ADAMTS2: variants seen among roughly 807,000 people sequenced by gnomAD.
ADAMTS2 encodes the protein ADAM metallopeptidase with thrombospondin type 1 motif 2, also known as A disintegrin and metalloproteinase with thrombospondin motifs 2.
A neutral mutation model predicts 123.0 loss-of-function variants in ADAMTS2; 50 were observed. The ratio of observed to expected loss-of-function variants is 0.41; its 90% CI spans 0.32 to 0.51. The LOEUF (loss-of-function observed/expected upper bound fraction) is 0.51. Among genes scored for constraint, ADAMTS2 ranks in the 20% least tolerant of loss-of-function variants. ADAMTS2 has a pLI of 0.35. For synonymous variants in ADAMTS2, 678 were observed against 695.4 expected, an observed-to-expected ratio of 0.98 and a Z score of 0.39; for missense variants, 1,494 against 1,705.2, an observed-to-expected ratio of 0.88 and a Z score of 2.18.
chr5:179,136,064 G>C (rs1386061512), intron 12 of ADAMTS2, 22 bp from the exon 13 acceptor site: 1 of 1,612,970 alleles, frequency 6.2e-7, no homozygotes, highest in African/African-American at 1.3e-5. Flanking sequence ...GCAGCTGGGG[G>C]TCTGCAAGGA....
intron 5 of ADAMTS2, among the ~76,000 whole-genome samples, chr5:179,178,326 C>G (rs1203012693): frequency 8.3e-6 from 1 of 120,802 alleles, no homozygotes; most frequent in Non-Finnish European, 1.7e-5. Context: ...GGGCCCACCC[C>G]CAGGCTCTGC....
At chr5:179,200,446 G>T (rs1764535529) in intron 4 of ADAMTS2, among the ~76,000 whole-genome samples, 1 of 151,960 alleles carries the variant, frequency 6.6e-6, no homozygotes, top group Non-Finnish European at 1.5e-5. Context: ...ATGAGGTTTT[G>T]TCATGTTGGC....
chr5:179,125,084 G>A lies in ADAMTS2; in HGVS notation c.2847C>T (p.Asn949=). The part of the protein sequence containing the change: ...SVRCIQPLHD[N]TTRSVHAKHC... ...GCTTGGCGTGCACGGAGCGGGTGGT[G>A]TTGTCGTGTAGCGGCTGAATGCAGC... Residue 949 remains asparagine, a synonymous_variant, in exon 19 of 22, where the codon AAC becomes AAT. Coordinates refer to ENST00000251582, the MANE Select transcript of ADAMTS2 (RefSeq NM_014244.5). The A allele has an allele frequency of 1.2e-6, 2 of 1,611,368 alleles. No individual in the cohort carries two copies. Among genetic ancestry groups the A allele is most frequent in the East Asian group, 2.2e-5 (1 of 44,662 alleles).
intron 18 of ADAMTS2, among the ~76,000 whole-genome samples, chr5:179,125,734 G>A (rs908980052): frequency 3.3e-5 from 5 of 152,224 alleles, no homozygotes; most frequent in African/African-American, 9.6e-5. Context: ...GCCAGGAGGC[G>A]AGCCCTGCGC....
chr5:179,284,926 C>T (rs1301713632), intron 2 of ADAMTS2, among the ~76,000 whole-genome samples: 1 of 152,124 alleles, frequency 6.6e-6, no homozygotes, highest in Non-Finnish European at 1.5e-5. Flanking sequence ...ATGTGGCCTC[C>T]GAGTCACTCT....
rs1316539312 is a variant in ADAMTS2, at chr5:179,262,471, G to A, written c.688+10440C>T. On this transcript the variant is annotated intron_variant, in intron 3 of 21. Transcript: ENST00000251582. The surrounding 1 kb of genome is among the most constrained non-coding windows in gnomAD (Gnocchi z 5.9). The stretch of plus-strand genomic sequence containing the variant: ...TGAATTCTCACCCCGTACCGTGACC[G>A]TCCCTTCAAAGCGATGAGTGCCACC... 1.3e-5 allele frequency among the ~76,000 whole-genome samples: 2 copies of A among 151,036 alleles called. No homozygotes were observed. The highest frequency in any genetic ancestry group is 3.0e-5 in the Non-Finnish European group (2 of 67,770).
At chr5:179,306,588 A>G (rs949687145) in intron 2 of ADAMTS2, among the ~76,000 whole-genome samples, 1 of 151,944 alleles carries the variant, frequency 6.6e-6, no homozygotes, top group Admixed American at 6.6e-5. Context: ...CCTAGACAGC[A>G]CCTCTGTACA....
At chr5:179,192,780 G>A (rs1026704572) in intron 4 of ADAMTS2, among the ~76,000 whole-genome samples, 1 of 152,306 alleles carries the variant, frequency 6.6e-6, no homozygotes, top group Non-Finnish European at 1.5e-5. Flanking sequence ...GCTGCCTCGG[G>A]TGCTGTCCCA....
chr5:179,316,279 C>T (rs1023198598), intron 2 of ADAMTS2, among the ~76,000 whole-genome samples: 4 of 152,208 alleles, frequency 2.6e-5, no homozygotes, highest in East Asian at 1.9e-4. Flanking sequence ...CCAGAGCCAC[C>T]GCAGCAGAGG....
At position 179,175,733 on chromosome 5, in the gene ADAMTS2, G is replaced by A. The variant is rs1106062; in HGVS notation, c.975+5339C>T. Among the ~76,000 whole-genome samples, 54,421 of 152,096 alleles carry A rather than the reference G, an allele frequency of 0.36. 11,091 individuals carry two copies. The highest frequency in any genetic ancestry group is 0.76 in the East Asian group (3,958 of 5,174). On this transcript the variant is annotated intron_variant, in intron 5 of 21. Coordinates refer to ENST00000251582, the MANE Select transcript of ADAMTS2 (RefSeq NM_014244.5). This position sits in a 1 kb window ranked among gnomAD's most constrained non-coding sequence, Gnocchi z 4.1. ...CGACACATGATTAACAGCAAACAATGAGAATTTGTCTCTGCTCTTTTCCAA... is the reference window on the plus strand; with the variant it reads ...CGACACATGATTAACAGCAAACAATAAGAATTTGTCTCTGCTCTTTTCCAA...
intron 4 of ADAMTS2, among the ~76,000 whole-genome samples, chr5:179,192,039 G>A (rs989818448): frequency 5.3e-5 from 8 of 152,146 alleles, no homozygotes; most frequent in African/African-American, 1.7e-4. Flanking sequence ...CGTCAGACCC[G>A]ACCACCTCAG....
At chr5:179,121,581 G>A in intron 21 of ADAMTS2, 80 bp downstream of exon 21, 1 of 1,190,242 alleles carries the variant, frequency 8.4e-7, no homozygotes, top group Non-Finnish European at 1.2e-6. Context: ...AGACAGAGAG[G>A]AGGGGGGCCC....
In ADAMTS2 at chr5:179,312,109, T is replaced by G. The variant is rs1160136801; in HGVS notation, c.534+31658A>C. On this transcript the variant is annotated intron_variant, in intron 2 of 21. Transcript: ENST00000251582. This position sits in a 1 kb window ranked among gnomAD's most constrained non-coding sequence, Gnocchi z 4.2. ...TCAGACGACCATGGCAGTGGTCAGC[T>G]GAAAAATGGCCCCCGAAGACACGTC... Among the ~76,000 whole-genome samples the G allele has an allele frequency of 1.3e-5, 2 of 152,086 alleles. No homozygotes were observed. The highest frequency in any genetic ancestry group is 2.4e-5 in the African/African-American group (1 of 41,392).
intron 5 of ADAMTS2, among the ~76,000 whole-genome samples, chr5:179,172,470 G>T (rs1763842881): frequency 6.6e-6 from 1 of 152,258 alleles, no homozygotes; most frequent in African/African-American, 2.4e-5. Flanking sequence ...CCCTGGCCAG[G>T]AGGGTGGTGC....
chr5:179,320,199 G>C (rs1057477457), intron 2 of ADAMTS2, among the ~76,000 whole-genome samples: 2 of 152,226 alleles, frequency 1.3e-5, no homozygotes, highest in Non-Finnish European at 2.9e-5. Flanking sequence ...TCTCTCTCCT[G>C]CTGTGCTCCT....
At chr5:179,288,706 G>A (rs550103661) in intron 2 of ADAMTS2, among the ~76,000 whole-genome samples, 3 of 152,372 alleles carry the variant, frequency 2.0e-5, no homozygotes, top group Non-Finnish European at 4.4e-5. Flanking sequence ...CAAAGGCGCC[G>A]TATCCAGAAT....
rs139028893 is a variant in ADAMTS2 at position 179,255,437 on chromosome 5, G to A, written c.688+17474C>T. Among the ~76,000 whole-genome samples the A allele has an allele frequency of 5.7e-3, 861 of 152,296 alleles. 11 individuals are homozygous for A. The highest frequency in any genetic ancestry group is 0.02 in the African/African-American group (824 of 41,552). On this transcript the variant is annotated intron_variant, in intron 3 of 21. Transcript: ENST00000251582. ...AGGTCATCTCTAGAGGGTGAGGATT[G>A]GGGGTCAGGAACTGTGGGGTGGGCT...
chr5:179,159,511 G>C (rs976365715), intron 5 of ADAMTS2, among the ~76,000 whole-genome samples: 3 of 152,294 alleles, frequency 2.0e-5, no homozygotes, highest in South Asian at 2.1e-4. Flanking sequence ...TAGAAAAACA[G>C]CCATATCAAG....
intron 2 of ADAMTS2, among the ~76,000 whole-genome samples, chr5:179,335,024 T>C (rs1256755168): frequency 2.0e-5 from 3 of 152,208 alleles, no homozygotes; most frequent in African/African-American, 7.2e-5. Flanking sequence ...TTACTATCAA[T>C]CAAATTCACG....
Sources: allele counts gnomAD v4.1 joint callset (sites outside exome capture counted in the v4.1 genomes callset), GRCh38; gene constraint gnomAD v4.1.1; non-coding constraint Gnocchi (gnomAD v3.1); transcripts MANE v1.5; gene names NCBI Gene and HGNC (gene_info 2026-07-23, HGNC 2026-07-21).